SUGCT: variants seen among roughly 807,000 people sequenced by gnomAD.
The protein encoded by SUGCT is succinyl-CoA:glutarate CoA-transferase.
SUGCT carries 41 observed loss-of-function variants against 55.0 expected under a neutral mutation model. The ratio of observed to expected loss-of-function variants is 0.74; its 90% CI spans 0.58 to 0.97. The LOEUF (loss-of-function observed/expected upper bound fraction) is 0.97. SUGCT is among the 50% of genes least tolerant of loss of function. SUGCT has a pLI of 0.00. For synonymous variants in SUGCT, 187 were observed against 200.4 expected (o/e 0.93, Z 0.56); for missense variants, 568 against 547.8 (o/e 1.04, Z -0.37).
chr7:40,162,294 T>C (rs1190135461), intron 1 of SUGCT, among the ~76,000 whole-genome samples: 7 of 152,222 alleles, frequency 4.6e-5, no homozygotes, highest in African/African-American at 1.7e-4. Context: ...AATTTTATAC[T>C]GTAAACCAAG....
chr7:40,631,704 C>A (rs1451516966), intron 12 of SUGCT, among the ~76,000 whole-genome samples: 1 of 152,130 alleles, frequency 6.6e-6, no homozygotes, highest in East Asian at 1.9e-4. Context: ...TCTCAAAAGC[C>A]TGGGTAGGGT....
intron 11 of SUGCT, among the ~76,000 whole-genome samples, chr7:40,479,929 A>T (rs1267247898): frequency 6.6e-5 from 10 of 152,100 alleles, no homozygotes; most frequent in Admixed American, 3.9e-4. Context: ...TTATCCCTTA[A>T]ATATATGGTT....
chr7:40,948,159 A>C, the SUGCT span, among the ~76,000 whole-genome samples: 1 of 152,198 alleles, frequency 6.6e-6, no homozygotes, highest in Non-Finnish European at 1.5e-5. Flanking sequence ...TTGCACAAGT[A>C]ACTAAATGTC....
intron 8 of SUGCT, among the ~76,000 whole-genome samples, chr7:40,302,676 T>C (rs1794604672): frequency 6.6e-6 from 1 of 152,198 alleles, no homozygotes; most frequent in South Asian, 2.1e-4. Context: ...GAGCTTCACC[T>C]TCCTTTAAAA....
At chr7:40,571,364 T>C (rs1796439377) in intron 12 of SUGCT, among the ~76,000 whole-genome samples, 1 of 151,712 alleles carries the variant, frequency 6.6e-6, no homozygotes, top group African/African-American at 2.4e-5. Flanking sequence ...TGTTACTTTT[T>C]TCTTTGACTA....
At chr7:40,231,028 C>T (rs1243685169) in intron 6 of SUGCT, among the ~76,000 whole-genome samples, 9 of 152,002 alleles carry the variant, frequency 5.9e-5, no homozygotes, top group Non-Finnish European at 1.2e-4. Flanking sequence ...ATTCTAGATA[C>T]GGGAATTTCC....
intron 12 of SUGCT, among the ~76,000 whole-genome samples, chr7:40,611,678 GCTTT>G (rs1472855628): frequency 6.6e-6 from 1 of 152,176 alleles, no homozygotes; most frequent in Non-Finnish European, 1.5e-5. Context: ...TATCTGCCAA[GCTTT>G]CTTCAAAGTA....
chr7:40,829,800 T>C (rs1252750920), intron 13 of SUGCT, among the ~76,000 whole-genome samples: 10 of 152,030 alleles, frequency 6.6e-5, no homozygotes. Context: ...GCCTCCCCAG[T>C]GTCTCTCTCT....
the SUGCT span, among the ~76,000 whole-genome samples, chr7:41,010,495 C>T: frequency 4.2e-4 from 64 of 152,334 alleles, no homozygotes; most frequent in African/African-American, 1.5e-3. Flanking sequence ...TAGACCAGTT[C>T]AGGCAGAGGC....
At chr7:40,639,617 C>A (rs1800177379) in intron 12 of SUGCT, among the ~76,000 whole-genome samples, 3 of 150,638 alleles carry the variant, frequency 2.0e-5, no homozygotes, top group Admixed American at 2.0e-4. Context: ...TGGGTTCAAG[C>A]AATTCTCCTG....
chr7:40,386,652 C>T (rs1345894652), intron 9 of SUGCT, among the ~76,000 whole-genome samples: 1 of 152,130 alleles, frequency 6.6e-6, no homozygotes, highest in East Asian at 1.9e-4. Flanking sequence ...TCCAAAGTTC[C>T]TTAGTTGAGT....
Position 40,807,049 on chromosome 7 carries a change from T to C in SUGCT, c.1154-53267T>C, listed in dbSNP as rs1791138085. On this transcript the variant is annotated intron_variant, in intron 13 of 13. Coordinates refer to ENST00000335693, the MANE Select transcript of SUGCT (RefSeq NM_001193313.2). ...CATGCATGTAAAGCACTTAACACAATGTTCATTACTCAAAAGATGCTAATT... is the reference window on the plus strand; with the variant it reads ...CATGCATGTAAAGCACTTAACACAACGTTCATTACTCAAAAGATGCTAATT... Among the ~76,000 whole-genome samples, 3 of 152,194 alleles carry C rather than the reference T, an allele frequency of 2.0e-5. No homozygotes were observed. In the South Asian group the frequency reaches 6.2e-4, roughly 32 times the overall value.
chr7:40,956,336 T>G, the SUGCT span, among the ~76,000 whole-genome samples: 2 of 152,220 alleles, frequency 1.3e-5, no homozygotes, highest in Non-Finnish European at 2.9e-5. Context: ...GGATTTGACT[T>G]CTTCCTGGTT....
intron 10 of SUGCT, among the ~76,000 whole-genome samples, chr7:40,456,657 G>T (rs566695760): frequency 6.6e-6 from 1 of 152,120 alleles, no homozygotes; most frequent in Admixed American, 6.5e-5. Context: ...TGGGGGTAGG[G>T]TAATCAAGGT....
At chr7:40,780,671 A>G (rs776811413) in intron 13 of SUGCT, among the ~76,000 whole-genome samples, 3 of 152,086 alleles carry the variant, frequency 2.0e-5, no homozygotes, top group Admixed American at 6.6e-5. Flanking sequence ...TTCTTAAAAT[A>G]AACCGTTCAT....
At chr7:40,790,443 C>T (rs1419763238) in intron 13 of SUGCT, among the ~76,000 whole-genome samples, 10 of 152,154 alleles carry the variant, frequency 6.6e-5, no homozygotes, top group Admixed American at 2.6e-4. Context: ...TTCTTCATAG[C>T]AGTGTGAGAA....
chr7:40,438,554 G>A (rs367649210), intron 9 of SUGCT, among the ~76,000 whole-genome samples: 2 of 152,006 alleles, frequency 1.3e-5, no homozygotes, highest in Non-Finnish European at 2.9e-5. Context: ...GTCTTTCTTC[G>A]GGAGTAATAC....
chr7:40,990,005 C>T, the SUGCT span, among the ~76,000 whole-genome samples: 1 of 152,176 alleles, frequency 6.6e-6, no homozygotes, highest in Non-Finnish European at 1.5e-5. Flanking sequence ...TTGACTTTAT[C>T]CCATGAATTA....
chr7:40,442,095 C>A (rs1224837508), intron 9 of SUGCT, among the ~76,000 whole-genome samples: 1 of 152,072 alleles, frequency 6.6e-6, no homozygotes, highest in Admixed American at 6.6e-5. Flanking sequence ...GGAAGTCACA[C>A]GTCTTTTGAC....
Sources: gnomAD v4.1 joint callset for allele counts (sites outside exome capture counted in the v4.1 genomes callset) on GRCh38, gnomAD v4.1.1 for gene constraint, MANE v1.5 for transcripts, NCBI Gene and HGNC (gene_info 2026-07-23, HGNC 2026-07-21) for gene names.